PKD1L1: variants seen among roughly 807,000 people sequenced by gnomAD.
The protein encoded by PKD1L1 is polycystin 1 like 1, transient receptor potential channel interacting, also known as polycystin-1-like protein 1.
Under a neutral mutation model 323.4 loss-of-function variants are expected in PKD1L1, and 236 were observed. The observed-to-expected ratio is 0.73, with a 90% CI of 0.66 to 0.81. The LOEUF (loss-of-function observed/expected upper bound fraction) is 0.81, where lower values mean the gene tolerates loss of function less well. Ranked by LOEUF, PKD1L1 falls within the 40% of genes least tolerant of loss-of-function variation. The pLI, the probability that PKD1L1 is intolerant of heterozygous loss-of-function variation, is 0.00. For missense variants in PKD1L1, 3,320 were observed against 3,508.0 expected (o/e 0.95, Z 1.35); for synonymous variants, 1,344 against 1,335.0 (o/e 1.01, Z -0.15).
chr7:47,936,701 C>T lies in PKD1L1; in HGVS notation c.398+145G>A, dbSNP rs151182425. The T allele has an allele frequency of 1.6e-4, 98 of 621,606 alleles. No individual in the cohort carries two copies. The Admixed American group carries it at 2.0e-3, about 13-fold the overall frequency. The allele number at this position is 621,606 out of a possible 1,614,324, so 38.5% of individuals were successfully genotyped here. On this transcript the variant is annotated intron_variant, in intron 4 of 56. Transcript: ENST00000289672. ...AACTTCAGAACACCATTCTTTTTTC[C>T]ATCAATTTAAGAGCTGCATTTGCTA...
chr7:47,796,229 C>T lies in PKD1L1; in HGVS notation c.8194-79G>A. 3 of 1,251,118 alleles carry T rather than the reference C, an allele frequency of 2.4e-6. No individual in the cohort carries two copies. In the South Asian group the frequency reaches 4.6e-5, roughly 19 times the overall value. The allele number at this position is 1,251,118 out of a possible 1,614,324, so 77.5% of individuals were successfully genotyped here. ...AGCTTTGTTAACGTGATAAACTATG[C>T]AATGGAGATTATATCTGATGATGCT... On this transcript the variant is annotated intron_variant, in intron 54 of 56. Transcript: ENST00000289672.
chr7:47,879,504 G>T, intron 21 of PKD1L1, among the ~76,000 whole-genome samples: 1 of 151,548 alleles, frequency 6.6e-6, no homozygotes, highest in East Asian at 1.9e-4. Flanking sequence ...GTGGTGGCAG[G>T]CAGCTGTAAT....
At position 47,803,360 on chromosome 7, in the gene PKD1L1, A is replaced by C. The variant is rs375628322; in HGVS notation, c.7828-16T>G. On this transcript the variant is annotated splice_polypyrimidine_tract_variant and intron_variant, in intron 52 of 56. Coordinates refer to ENST00000289672, the MANE Select transcript of PKD1L1 (RefSeq NM_138295.5). ...ATCGAGCCCTCTGAGACAGAAGAAC[A>C]TAACAGTCAGTGTGCCATGCCAGTC... The C allele has an allele frequency of 1.9e-6, 3 of 1,612,998 alleles. No homozygotes were observed. The highest frequency in any genetic ancestry group is 2.5e-6 in the Non-Finnish European group (3 of 1,179,722).
intron 54 of PKD1L1, among the ~76,000 whole-genome samples, chr7:47,800,337 T>A (rs1328328482): frequency 1.3e-5 from 2 of 152,344 alleles, no homozygotes; most frequent in African/African-American, 4.8e-5. Context: ...AGTGTGAGAT[T>A]GCAGATGAAG....
chr7:47,803,351 CAGA>C lies in PKD1L1; in HGVS notation c.7828-10_7828-8del. On this transcript the variant is annotated splice_polypyrimidine_tract_variant and splice_region_variant and intron_variant, in intron 52 of 56. Transcript: ENST00000289672. ...CCCGGAGCCATCGAGCCCTCTGAGA[CAGA>C]AGAACATAACAGTCAGTGTGCCATG... 2 of 1,613,334 alleles carry C rather than the reference CAGA, an allele frequency of 1.2e-6. No homozygotes were observed. Among genetic ancestry groups the C allele is most frequent in the Non-Finnish European group, 1.7e-6 (2 of 1,179,882 alleles).
intron 49 of PKD1L1, among the ~76,000 whole-genome samples, chr7:47,812,787 AG>A (rs139921256): frequency 2.6e-5 from 4 of 152,354 alleles, no homozygotes; most frequent in African/African-American, 9.6e-5. Flanking sequence ...CCACAGAGCT[AG>A]GTGAGGATTA....
intron 54 of PKD1L1, among the ~76,000 whole-genome samples, chr7:47,800,262 G>A (rs1308503931): frequency 6.6e-6 from 1 of 152,218 alleles, no homozygotes; most frequent in African/African-American, 2.4e-5. Context: ...AGTGGAGGTG[G>A]CTGATGGGAG....
intron 31 of PKD1L1, among the ~76,000 whole-genome samples, chr7:47,852,626 T>C (rs1785807150): frequency 3.3e-5 from 5 of 152,166 alleles, no homozygotes; most frequent in Admixed American, 3.3e-4. Context: ...CTCAGAATCC[T>C]AAGCCACCAG....
intron 17 of PKD1L1, among the ~76,000 whole-genome samples, chr7:47,886,656 C>T (rs565219962): frequency 2.5e-4 from 38 of 152,280 alleles, no homozygotes; most frequent in South Asian, 1.2e-3. Context: ...CTCACTCCTT[C>T]TCTCACCATG....
At chr7:47,940,789 G>T (rs1464320736) in intron 2 of PKD1L1, among the ~76,000 whole-genome samples, 1 of 152,160 alleles carries the variant, frequency 6.6e-6, no homozygotes, top group East Asian at 1.9e-4. Context: ...ATGGTAGCAC[G>T]GACCTGGCTG....
At chr7:47,890,399 TCTCCTC>T in intron 16 of PKD1L1, 137 bp downstream of exon 16, 1 of 800,638 alleles carries the variant, frequency 1.2e-6, no homozygotes, top group South Asian at 1.7e-5. Flanking sequence ...TGAACAGTCT[TCTCCTC>T]CTCCTTTGCA....
intron 31 of PKD1L1, among the ~76,000 whole-genome samples, chr7:47,847,626 C>T (rs1031512646): frequency 2.0e-5 from 3 of 152,034 alleles, no homozygotes; most frequent in Non-Finnish European, 2.9e-5. Flanking sequence ...TTAAAAATTG[C>T]CCAAGACTTT....
chr7:47,826,794 C>T (rs1003548865), intron 45 of PKD1L1, among the ~76,000 whole-genome samples: 2 of 152,090 alleles, frequency 1.3e-5, no homozygotes, highest in African/African-American at 4.8e-5. Flanking sequence ...CATGATAGTT[C>T]TTAAGGTTTG....
upstream of PKD1L1, among the ~76,000 whole-genome samples, chr7:47,950,756 T>C (rs2128761036): frequency 6.6e-6 from 1 of 152,198 alleles, no homozygotes; most frequent in Admixed American, 6.5e-5. Context: ...ATTAGCCATA[T>C]TTCAAGGGCT....
chr7:47,835,751 A>C (rs1262761103), intron 37 of PKD1L1, among the ~76,000 whole-genome samples: 1 of 152,176 alleles, frequency 6.6e-6, no homozygotes, highest in Non-Finnish European at 1.5e-5. Context: ...CTAAGAAAAA[A>C]ATAGAACTAT....
In PKD1L1 at chr7:47,842,958, C is replaced by T. The variant is rs756284925; in HGVS notation, c.5445+4G>A. 1.2e-6 allele frequency: 2 copies of T among 1,610,638 alleles called. No homozygotes were observed. The highest frequency in any genetic ancestry group is 3.4e-5 in the Admixed American group (2 of 59,392). On this transcript the variant is annotated splice_donor_region_variant and intron_variant, in intron 34 of 56. Coordinates refer to ENST00000289672, the MANE Select transcript of PKD1L1 (RefSeq NM_138295.5). ...CAAAGAGTACCCCCAGATGCTCGAG[C>T]TACCTTTGAGGTCAACCTGGCCGGA...
chr7:47,843,469 G>A (rs1232442453), intron 33 of PKD1L1, among the ~76,000 whole-genome samples: 1 of 152,176 alleles, frequency 6.6e-6, no homozygotes, highest in Non-Finnish European at 1.5e-5. Flanking sequence ...GTGAACTATG[G>A]CTAAGAATGC....
At chr7:47,830,828 T>C (rs1785332391) in intron 42 of PKD1L1, among the ~76,000 whole-genome samples, 1 of 152,194 alleles carries the variant, frequency 6.6e-6, no homozygotes, top group African/African-American at 2.4e-5. Context: ...TCATAATCCC[T>C]GTCCCGAAGG....
chr7:47,800,528 T>C, intron 54 of PKD1L1, 121 bp downstream of exon 54: 1 of 1,005,904 alleles, frequency 9.9e-7, no homozygotes, highest in Non-Finnish European at 1.5e-6. Flanking sequence ...CGGCAGGGAT[T>C]CATTACCATG....
Sources: allele counts gnomAD v4.1 joint callset (sites outside exome capture counted in the v4.1 genomes callset), GRCh38; gene constraint gnomAD v4.1.1; transcripts MANE v1.5; gene names NCBI Gene and HGNC (gene_info 2026-07-23, HGNC 2026-07-21).